Variants in EEFSEC observed in about 807,000 individuals in gnomAD.
EEFSEC encodes the protein selenocysteine-specific elongation factor.
In EEFSEC, 43 loss-of-function variants were observed where a neutral mutation model predicts 42.1. The observed-to-expected ratio is 1.02, with a 90% CI of 0.80 to 1.32. The LOEUF (loss-of-function observed/expected upper bound fraction) is 1.32. Among genes scored for constraint, EEFSEC ranks in the 40% most tolerant of loss-of-function variants. The pLI is 0.00. For synonymous variants in EEFSEC, 354 were observed against 339.1 expected (o/e 1.04, Z -0.48); for missense variants, 745 against 803.6 (o/e 0.93, Z 0.88).
intron 4 of EEFSEC, among the ~76,000 whole-genome samples, chr3:128,293,457 C>T (rs1029549523): frequency 6.4e-5 from 9 of 141,722 alleles, no homozygotes; most frequent in Non-Finnish European, 9.4e-5. Flanking sequence ...TTCAGGAGAT[C>T]GAGACCATCC....
chr3:128,273,251 G>T (rs544857135), intron 4 of EEFSEC, among the ~76,000 whole-genome samples: 9 of 152,308 alleles, frequency 5.9e-5, no homozygotes, highest in Middle Eastern at 3.4e-3. Flanking sequence ...CTGGCTTGAG[G>T]ATTTGAATCA....
chr3:128,255,744 G>A (rs1326512497), intron 2 of EEFSEC, among the ~76,000 whole-genome samples: 1 of 152,204 alleles, frequency 6.6e-6, no homozygotes, highest in Non-Finnish European at 1.5e-5. Flanking sequence ...AAGTGGCAGG[G>A]TGGGGGTGTC....
At chr3:128,421,154 C>T in the EEFSEC span, among the ~76,000 whole-genome samples, 1 of 152,142 alleles carries the variant, frequency 6.6e-6, no homozygotes, top group South Asian at 2.1e-4. Flanking sequence ...GCCAAAGGCC[C>T]CTCACCAGCC....
chr3:128,233,364 AAAT>A (rs1395392664), intron 1 of EEFSEC, among the ~76,000 whole-genome samples: 1 of 152,242 alleles, frequency 6.6e-6, no homozygotes, highest in Non-Finnish European at 1.5e-5. Context: ...ACATGTGAGT[AAAT>A]AATAGTAGAG....
chr3:128,177,602 C>T (rs946625810), intron 1 of EEFSEC, among the ~76,000 whole-genome samples: 5 of 152,142 alleles, frequency 3.3e-5, no homozygotes, highest in Admixed American at 1.3e-4. Flanking sequence ...TTCTCTGCAT[C>T]TCTAGCTGAG....
intron 1 of EEFSEC, among the ~76,000 whole-genome samples, chr3:128,175,278 T>C (rs1391388509): frequency 6.6e-6 from 1 of 152,128 alleles, no homozygotes; most frequent in Non-Finnish European, 1.5e-5. Context: ...TATTTCCTCT[T>C]TTGTGGTCTT....
At chr3:128,164,079 G>A (rs533315112) in intron 1 of EEFSEC, among the ~76,000 whole-genome samples, 1 of 152,246 alleles carries the variant, frequency 6.6e-6, no homozygotes, top group East Asian at 1.9e-4. Flanking sequence ...TCTGTGATGT[G>A]CCTGGCCCAT....
chr3:128,360,740 A>G (rs939964631), intron 6 of EEFSEC, among the ~76,000 whole-genome samples: 1 of 149,972 alleles, frequency 6.7e-6, no homozygotes, highest in East Asian at 2.0e-4. Flanking sequence ...GTGGGAGTGG[A>G]GGGAGGAGGG....
chr3:128,315,344 G>A (rs1488061275), intron 4 of EEFSEC, among the ~76,000 whole-genome samples: 1 of 152,162 alleles, frequency 6.6e-6, no homozygotes, highest in Non-Finnish European at 1.5e-5. Flanking sequence ...TGACTGCTGA[G>A]CCCTCTCTGT....
intron 4 of EEFSEC, among the ~76,000 whole-genome samples, chr3:128,284,135 A>T (rs1490133823): frequency 6.6e-6 from 1 of 152,086 alleles, no homozygotes; most frequent in East Asian, 1.9e-4. Context: ...CCCCCCACAC[A>T]ACCTGAATGT....
At chr3:128,373,714 A>G (rs891887827) in intron 6 of EEFSEC, among the ~76,000 whole-genome samples, 1 of 152,190 alleles carries the variant, frequency 6.6e-6, no homozygotes, top group African/African-American at 2.4e-5. Context: ...AGCCCTTCCC[A>G]GCAGGGCTCT....
chr3:128,346,088 T>C (rs2067309435), intron 5 of EEFSEC, among the ~76,000 whole-genome samples: 1 of 152,252 alleles, frequency 6.6e-6, no homozygotes, highest in Admixed American at 6.5e-5. Flanking sequence ...TGTGTTTTTA[T>C]TTCCTGTGCG....
At chr3:128,312,446 G>A (rs1005144504) in intron 4 of EEFSEC, among the ~76,000 whole-genome samples, 2 of 152,244 alleles carry the variant, frequency 1.3e-5, no homozygotes, top group Non-Finnish European at 1.5e-5. Flanking sequence ...GGATCCCACC[G>A]CCTTTGTGTC....
At chr3:128,329,913 G>A (rs1419013739) in intron 4 of EEFSEC, among the ~76,000 whole-genome samples, 1 of 152,194 alleles carries the variant, frequency 6.6e-6, no homozygotes, top group Non-Finnish European at 1.5e-5. Flanking sequence ...ACCCACCTGG[G>A]CTCTTTGCTC....
At chr3:128,168,362 A>G (rs2065262246) in intron 1 of EEFSEC, among the ~76,000 whole-genome samples, 1 of 152,150 alleles carries the variant, frequency 6.6e-6, no homozygotes, top group African/African-American at 2.4e-5. Flanking sequence ...GTTCCTCCTG[A>G]ATGTAAAATT....
intron 4 of EEFSEC, among the ~76,000 whole-genome samples, chr3:128,338,236 G>A (rs75213696): frequency 1.4e-3 from 208 of 152,246 alleles, no homozygotes; most frequent in African/African-American, 4.4e-3. Flanking sequence ...TCATACACAC[G>A]TGTGTATAAA....
intron 1 of EEFSEC, among the ~76,000 whole-genome samples, chr3:128,159,685 C>T (rs1944445475): frequency 6.6e-6 from 1 of 152,194 alleles, no homozygotes; most frequent in Admixed American, 6.5e-5. Flanking sequence ...TTCTCTTCCT[C>T]CAGTGGGCCC....
At chr3:128,262,291 C>T (rs1050286006) in intron 3 of EEFSEC, 67 bp downstream of exon 3, 2 of 1,402,740 alleles carry the variant, frequency 1.4e-6, no homozygotes, top group Non-Finnish European at 2.0e-6. Flanking sequence ...CCTTTGTGTC[C>T]CTCTCTCCCC....
chr3:128,411,831 G>T (rs1203775202), downstream of EEFSEC, among the ~76,000 whole-genome samples: 1 of 152,268 alleles, frequency 6.6e-6, no homozygotes, highest in Non-Finnish European at 1.5e-5. Context: ...AGAAGGGGCA[G>T]CTTCCGTGCT....
Sources: gnomAD v4.1 joint callset for allele counts (sites outside exome capture counted in the v4.1 genomes callset) on GRCh38, gnomAD v4.1.1 for gene constraint, MANE v1.5 for transcripts, NCBI Gene and HGNC (gene_info 2026-07-23, HGNC 2026-07-21) for gene names.